UBE2E1: variants seen among roughly 807,000 people sequenced by gnomAD.
UBE2E1 encodes the protein ubiquitin-conjugating enzyme E2 E1.
Under a neutral mutation model 21.4 loss-of-function variants are expected in UBE2E1, and 6 were observed. That is an observed-to-expected ratio of 0.28 (90% CI 0.15 to 0.55). UBE2E1 has a LOEUF of 0.55. Ranked by LOEUF, UBE2E1 falls within the 20% of genes least tolerant of loss-of-function variation. UBE2E1 has a pLI of 0.93. For synonymous variants in UBE2E1, 87 were observed against 82.7 expected, an observed-to-expected ratio of 1.05 and a Z score of -0.28; for missense variants, 142 against 236.5, an observed-to-expected ratio of 0.60 and a Z score of 2.62.
At chr3:23,860,988 G>C (rs999326386) in intron 3 of UBE2E1, among the ~76,000 whole-genome samples, 2 of 152,178 alleles carry the variant, frequency 1.3e-5, no homozygotes, top group African/African-American at 4.8e-5. Flanking sequence ...AGTGATGACT[G>C]CACCAAATGC....
intron 3 of UBE2E1, among the ~76,000 whole-genome samples, chr3:23,871,304 G>GGGT (rs1163641280): frequency 9.2e-5 from 10 of 108,912 alleles, no homozygotes; most frequent in South Asian, 3.5e-4. Context: ...GCCGGGCAGA[G>GGGT]GAGCTCCTCA....
intron 3 of UBE2E1, among the ~76,000 whole-genome samples, chr3:23,826,099 A>T (rs1699753222): frequency 6.6e-6 from 1 of 152,224 alleles, no homozygotes; most frequent in African/African-American, 2.4e-5. Context: ...GTATTAAAAA[A>T]TAGAGGTTAT....
chr3:23,869,848 T>C (rs543872649), intron 3 of UBE2E1, among the ~76,000 whole-genome samples: 1 of 151,938 alleles, frequency 6.6e-6, no homozygotes, highest in Non-Finnish European at 1.5e-5. Flanking sequence ...CCGCCCAAAT[T>C]ATCAGTTATT....
In UBE2E1 at chr3:23,818,811, A is replaced by G. The variant is rs72625898; in HGVS notation, c.203+7301A>G. On this transcript the variant is annotated intron_variant, in intron 3 of 5. Coordinates refer to ENST00000306627, the MANE Select transcript of UBE2E1 (RefSeq NM_003341.5). ...GAATTGTGCTCTGAAGGATGTCTTC[A>G]GATGGAGGATGGGAAATGAAGAGGA... Among the ~76,000 whole-genome samples the G allele has an allele frequency of 3.6e-3, 541 of 152,312 alleles. 11 individuals are homozygous for G. The East Asian group carries it at 0.044, about 12-fold the overall frequency.
At position 23,848,739 on chromosome 3, in the gene UBE2E1, A is replaced by G. The variant is rs116779180; in HGVS notation, c.203+37229A>G. 4.8e-3 allele frequency among the ~76,000 whole-genome samples: 728 copies of G among 152,344 alleles called. 7 individuals are homozygous for G. Among genetic ancestry groups the G allele is most frequent in the African/African-American group, 0.016 (674 of 41,572 alleles). ...AAGAATATAGAGAGATTAGGAAAGA[A>G]TTTAAACAGAAGGCCAAAAGGGAGG... On this transcript the variant is annotated intron_variant, in intron 3 of 5. Transcript: ENST00000306627.
intron 3 of UBE2E1, among the ~76,000 whole-genome samples, chr3:23,884,413 T>C (rs1701127966): frequency 6.6e-6 from 1 of 152,180 alleles, no homozygotes; most frequent in Non-Finnish European, 1.5e-5. Context: ...GGTGGGGCAC[T>C]TAAATATATG....
rs923470281 is a variant in UBE2E1, at chr3:23,842,905, T to A, written c.203+31395T>A. Among the ~76,000 whole-genome samples the A allele has an allele frequency of 5.3e-5, 8 of 152,234 alleles. No homozygotes were observed. Among genetic ancestry groups the A allele is most frequent in the African/African-American group, 1.7e-4 (7 of 41,538 alleles). Reference sequence around the variant, plus strand: ...CTCTGAGGGCAAGGGCTTGTTTTATTTGAATAAAGAACCCTATAGTAGCAT... The same window carrying A: ...CTCTGAGGGCAAGGGCTTGTTTTATATGAATAAAGAACCCTATAGTAGCAT... On this transcript the variant is annotated intron_variant, in intron 3 of 5. Coordinates refer to ENST00000306627, the MANE Select transcript of UBE2E1 (RefSeq NM_003341.5). This position sits in a 1 kb window ranked among gnomAD's most constrained non-coding sequence, Gnocchi z 4.6.
intron 4 of UBE2E1, chr3:23,888,153 C>T (rs1701234374): frequency 4.4e-6 from 2 of 453,482 alleles, no homozygotes; most frequent in African/African-American, 2.0e-5. Context: ...GGGGGCCAAA[C>T]AACTAGAGAA....
intron 3 of UBE2E1, among the ~76,000 whole-genome samples, chr3:23,843,901 C>T (rs1359516579): frequency 2.6e-5 from 4 of 152,180 alleles, no homozygotes; most frequent in Non-Finnish European, 1.5e-5. Flanking sequence ...ATTTTTATCT[C>T]TTTAATGTAT....
intron 3 of UBE2E1, among the ~76,000 whole-genome samples, chr3:23,880,147 C>T (rs559368250): frequency 6.6e-6 from 1 of 152,326 alleles, no homozygotes; most frequent in East Asian, 1.9e-4. Flanking sequence ...CTTTGGGAGG[C>T]TGAGGCGGGC....
chr3:23,862,466 A>AT (rs1336914333), intron 3 of UBE2E1, among the ~76,000 whole-genome samples: 3 of 152,098 alleles, frequency 2.0e-5, no homozygotes, highest in East Asian at 1.9e-4. Context: ...CTTTGAAAAC[A>AT]TTTTTTTAGT....
At position 23,870,822 on chromosome 3, in the gene UBE2E1, C is replaced by G. The variant is rs1016369192; in HGVS notation, c.204-16745C>G. On this transcript the variant is annotated intron_variant, in intron 3 of 5. Transcript: ENST00000306627. This position sits in a 1 kb window ranked among gnomAD's most constrained non-coding sequence, Gnocchi z 4.2. ...TGGTTTTCCTAGGCAGAGGACCCTGCGGCCTTCCGCAGTGTTTGTGTCCCT... is the reference window on the plus strand; with the variant it reads ...TGGTTTTCCTAGGCAGAGGACCCTGGGGCCTTCCGCAGTGTTTGTGTCCCT... 1.3e-5 allele frequency among the ~76,000 whole-genome samples: 2 copies of G among 149,994 alleles called. No homozygotes were observed. Among genetic ancestry groups the G allele is most frequent in the African/African-American group, 4.9e-5 (2 of 41,118 alleles).
chr3:23,850,649 T>C (rs990201602), intron 3 of UBE2E1, among the ~76,000 whole-genome samples: 6 of 150,626 alleles, frequency 4.0e-5, no homozygotes, highest in Non-Finnish European at 7.4e-5. Flanking sequence ...TGGGACTACA[T>C]GCATGCACCA....
At chr3:23,868,682 G>A (rs1169874530) in intron 3 of UBE2E1, among the ~76,000 whole-genome samples, 1 of 148,164 alleles carries the variant, frequency 6.7e-6, no homozygotes, top group East Asian at 2.0e-4. Context: ...CCTTTATTTT[G>A]TCCTTCAGAA....
intron 4 of UBE2E1, chr3:23,888,341 G>T (rs1701242649): frequency 4.5e-6 from 2 of 441,734 alleles, no homozygotes; most frequent in African/African-American, 2.0e-5. Flanking sequence ...CCGTCTTGGG[G>T]ATTAGGTAGA....
intron 3 of UBE2E1, among the ~76,000 whole-genome samples, chr3:23,850,066 CAT>C (rs1448276005): frequency 2.0e-5 from 3 of 152,150 alleles, no homozygotes; most frequent in African/African-American, 4.8e-5. Flanking sequence ...TCAAAATTGA[CAT>C]ATTCTCATTG....
rs1478037488 is a variant in UBE2E1, at chr3:23,876,914, C to G, written c.204-10653C>G. 6.6e-6 allele frequency among the ~76,000 whole-genome samples: 1 copy of G among 152,124 alleles called. No individual in the cohort carries two copies. Among genetic ancestry groups the G allele is most frequent in the Non-Finnish European group, 1.5e-5 (1 of 68,026 alleles). Reference sequence around the variant, plus strand: ...TAAAAATTAGCCAGGTGTGGTGATGCACGCCTGTAATCCTAGCAACTCAGG... The same window carrying G: ...TAAAAATTAGCCAGGTGTGGTGATGGACGCCTGTAATCCTAGCAACTCAGG... On this transcript the variant is annotated intron_variant, in intron 3 of 5. Transcript: ENST00000306627. This position sits in a 1 kb window ranked among gnomAD's most constrained non-coding sequence, Gnocchi z 4.3.
chr3:23,855,752 C>T (rs908193160), intron 3 of UBE2E1, among the ~76,000 whole-genome samples: 13 of 152,114 alleles, frequency 8.5e-5, no homozygotes, highest in African/African-American at 2.9e-4. Flanking sequence ...ATGGCGTGAA[C>T]CCGGGAGGCG....
At chr3:23,857,185 G>C (rs2125311240) in intron 3 of UBE2E1, among the ~76,000 whole-genome samples, 1 of 152,120 alleles carries the variant, frequency 6.6e-6, no homozygotes, top group East Asian at 1.9e-4. Flanking sequence ...AAGGGCAGGA[G>C]AAAGCTGGCC....
Sources: allele counts gnomAD v4.1 joint callset (sites outside exome capture counted in the v4.1 genomes callset), GRCh38; gene constraint gnomAD v4.1.1; non-coding constraint Gnocchi (gnomAD v3.1); transcripts MANE v1.5; gene names NCBI Gene and HGNC (gene_info 2026-07-23, HGNC 2026-07-21).